The following DIAPH3 variants were observed in gnomAD, a reference collection of about 807,000 sequenced individuals.
DIAPH3 encodes diaphanous related formin 3.
In DIAPH3, 117 loss-of-function variants were observed where a neutral mutation model predicts 144.3. The observed-to-expected ratio is 0.81, with a 90% CI of 0.70 to 0.95. DIAPH3 has a LOEUF of 0.95. DIAPH3 is among the 40% of genes least tolerant of loss of function. The pLI is 0.00. For synonymous variants in DIAPH3, 519 were observed against 488.9 expected (o/e 1.06, Z -0.81); for missense variants, 1,421 against 1,412.7 (o/e 1.01, Z -0.09).
intron 27 of DIAPH3, among the ~76,000 whole-genome samples, chr13:59,672,932 G>T (rs532507631): frequency 2.2e-4 from 33 of 152,094 alleles, no homozygotes; most frequent in Non-Finnish European, 3.8e-4. Context: ...TTTGAATAGA[G>T]GAAACAACTG....
intron 27 of DIAPH3, among the ~76,000 whole-genome samples, chr13:59,755,896 CTT>C (rs1316270190): frequency 1.3e-5 from 2 of 152,000 alleles, no homozygotes; most frequent in Non-Finnish European, 2.9e-5. Flanking sequence ...TATAATGAGC[CTT>C]ATAAAAATAA....
chr13:60,126,575 C>T (rs2058996973), intron 2 of DIAPH3, among the ~76,000 whole-genome samples: 1 of 151,998 alleles, frequency 6.6e-6, no homozygotes, highest in Admixed American at 6.6e-5. Context: ...AACAAGAATA[C>T]AGAAGATGTG....
chr13:60,105,594 A>G (rs2138016849), intron 3 of DIAPH3, among the ~76,000 whole-genome samples: 1 of 152,268 alleles, frequency 6.6e-6, no homozygotes, highest in Admixed American at 6.5e-5. Flanking sequence ...CATTATTTGG[A>G]TTGCTTTTAA....
Position 59,911,732 on chromosome 13 carries a change from T to C in DIAPH3, c.2367+3A>G. ...AAAATCCTCTCTGAGACTCGGTACT[T>C]ACCACAACCACAAACTGCTCAGGTT... On this transcript the variant is annotated splice_donor_region_variant and intron_variant, in intron 20 of 27. Coordinates refer to ENST00000400324, the MANE Select transcript of DIAPH3 (RefSeq NM_001042517.2). 1.9e-6 allele frequency: 3 copies of C among 1,611,838 alleles called. No individual in the cohort carries two copies. The highest frequency in any genetic ancestry group is 3.3e-5 in the Admixed American group (2 of 60,006).
intron 24 of DIAPH3, among the ~76,000 whole-genome samples, chr13:59,821,275 G>A (rs2041057714): frequency 6.6e-6 from 1 of 151,984 alleles, no homozygotes; most frequent in Non-Finnish European, 1.5e-5. Flanking sequence ...GAGTAAACAA[G>A]CTCATGCAGG....
chr13:59,983,280 T>A (rs959820460), intron 13 of DIAPH3, among the ~76,000 whole-genome samples: 1 of 151,142 alleles, frequency 6.6e-6, no homozygotes, highest in Non-Finnish European at 1.5e-5. Flanking sequence ...TATTTTCTTA[T>A]TGAACTCTTT....
intron 14 of DIAPH3, among the ~76,000 whole-genome samples, chr13:59,978,092 C>T (rs1036413983): frequency 9.2e-5 from 14 of 151,814 alleles, no homozygotes; most frequent in African/African-American, 3.4e-4. Flanking sequence ...ATACCAATTG[C>T]ACACTGTAAT....
intron 27 of DIAPH3, among the ~76,000 whole-genome samples, chr13:59,679,043 A>G (rs2032794870): frequency 6.6e-6 from 1 of 152,200 alleles, no homozygotes; most frequent in African/African-American, 2.4e-5. Flanking sequence ...TGCAGTTTCA[A>G]TTCTGATGGT....
Position 59,784,073 on chromosome 13 carries a change from A to C in DIAPH3, c.3164-9250T>G, listed in dbSNP as rs150952610. ...TACTTTCCTAAAGTCAAACAACTAT[A>C]TATTACTATTATTTATTTATTTATT... On this transcript the variant is annotated intron_variant, in intron 25 of 27. Transcript: ENST00000400324. Among the ~76,000 whole-genome samples the C allele has an allele frequency of 3.2e-3, 480 of 152,154 alleles. 3 individuals are homozygous for C. Among genetic ancestry groups the C allele is most frequent in the African/African-American group, 0.01 (423 of 41,520 alleles).
At chr13:59,987,159 G>T (rs1446143364) in intron 12 of DIAPH3, among the ~76,000 whole-genome samples, 4 of 151,862 alleles carry the variant, frequency 2.6e-5, no homozygotes, top group Non-Finnish European at 5.9e-5. Context: ...AAAATGATGA[G>T]TTCAAGTCCT....
At chr13:59,705,151 T>C (rs1332987999) in intron 27 of DIAPH3, among the ~76,000 whole-genome samples, 1 of 151,072 alleles carries the variant, frequency 6.6e-6, no homozygotes, top group Non-Finnish European at 1.5e-5. Flanking sequence ...CATTCAAAAA[T>C]GATTATAGCC....
At chr13:60,114,675 A>G (rs1292559254) in intron 2 of DIAPH3, among the ~76,000 whole-genome samples, 3 of 150,310 alleles carry the variant, frequency 2.0e-5, no homozygotes, top group Non-Finnish European at 4.5e-5. Context: ...ACACACACAA[A>G]CACACACACA....
At chr13:60,149,652 C>G (rs768589824) in intron 1 of DIAPH3, among the ~76,000 whole-genome samples, 5 of 148,986 alleles carry the variant, frequency 3.4e-5, no homozygotes, top group Non-Finnish European at 5.9e-5. Context: ...ACTCCAGAAG[C>G]TGAGGTGGGA....
Position 59,934,648 on chromosome 13 carries a change from A to C in DIAPH3, c.2075-9778T>G, listed in dbSNP as rs532572197. 4.6e-5 allele frequency among the ~76,000 whole-genome samples: 7 copies of C among 152,272 alleles called. No homozygotes were observed. The South Asian group carries it at 1.5e-3, about 32-fold the overall frequency. ...TGAAAGATACAAATTTTTGAACCAG[A>C]ACGGCCCTTCAGTATGGACTTTAAC... On this transcript the variant is annotated intron_variant, in intron 17 of 27. Transcript: ENST00000400324.
intron 2 of DIAPH3, among the ~76,000 whole-genome samples, chr13:60,113,490 A>G (rs756024431): frequency 2.2e-4 from 33 of 152,210 alleles, no homozygotes; most frequent in Admixed American, 7.9e-4. Flanking sequence ...GAAAAATACT[A>G]TGTACTGCAC....
intron 9 of DIAPH3, among the ~76,000 whole-genome samples, chr13:60,003,031 A>C (rs189720755): frequency 2.0e-5 from 3 of 152,082 alleles, no homozygotes; most frequent in Non-Finnish European, 4.4e-5. Context: ...CTAAGGAAAA[A>C]CTGGCCAACA....
At chr13:60,090,371 C>CT (rs952848497) in intron 4 of DIAPH3, among the ~76,000 whole-genome samples, 50 of 147,312 alleles carry the variant, frequency 3.4e-4, no homozygotes, top group East Asian at 2.0e-3. Flanking sequence ...TGATTGGTGG[C>CT]TTTTTTTTTT....
intron 20 of DIAPH3, among the ~76,000 whole-genome samples, chr13:59,904,196 A>T (rs1422591776): frequency 6.6e-6 from 1 of 152,194 alleles, no homozygotes; most frequent in African/African-American, 2.4e-5. Context: ...AGAGAGAAAA[A>T]AAGTAAGATA....
intron 17 of DIAPH3, among the ~76,000 whole-genome samples, chr13:59,930,415 A>T (rs183093502): frequency 2.0e-5 from 3 of 152,326 alleles, no homozygotes; most frequent in African/African-American, 7.2e-5. Flanking sequence ...CTTGTCAAAA[A>T]TAATCCTTTT....
Sources: gnomAD v4.1 joint callset for allele counts (sites outside exome capture counted in the v4.1 genomes callset) on GRCh38, gnomAD v4.1.1 for gene constraint, MANE v1.5 for transcripts, NCBI Gene and HGNC (gene_info 2026-07-23, HGNC 2026-07-21) for gene names.